KCNIP4: variants seen among roughly 807,000 people sequenced by gnomAD.
KCNIP4 encodes the protein Kv channel-interacting protein 4.
A neutral mutation model predicts 34.0 loss-of-function variants in KCNIP4; 12 were observed. The observed-to-expected ratio is 0.35, with a 90% CI of 0.23 to 0.57. The LOEUF (loss-of-function observed/expected upper bound fraction) is 0.57. Among genes scored for constraint, KCNIP4 ranks in the 20% least tolerant of loss-of-function variants. The pLI, the probability that KCNIP4 is intolerant of heterozygous loss-of-function variation, is 0.83. For missense variants in KCNIP4, 238 were observed against 311.7 expected, an observed-to-expected ratio of 0.76 and a Z score of 1.78; for synonymous variants, 124 against 102.2, an observed-to-expected ratio of 1.21 and a Z score of -1.29.
chr4:21,139,280 A>G (rs906836819), intron 1 of KCNIP4, among the ~76,000 whole-genome samples: 1 of 152,234 alleles, frequency 6.6e-6, no homozygotes, highest in Non-Finnish European at 1.5e-5. Flanking sequence ...GAAAACGAAA[A>G]AGAGAGACAG....
chr4:21,346,786 A>T (rs1717472847), intron 1 of KCNIP4, among the ~76,000 whole-genome samples: 1 of 152,198 alleles, frequency 6.6e-6, no homozygotes, highest in South Asian at 2.1e-4. Flanking sequence ...AACTCAGACC[A>T]CACGTACAAC....
intron 1 of KCNIP4, among the ~76,000 whole-genome samples, chr4:21,246,338 C>A (rs1007465073): frequency 6.6e-6 from 1 of 152,166 alleles, no homozygotes; most frequent in Admixed American, 6.5e-5. Flanking sequence ...ACAGCTGTTG[C>A]AATCACGCCA....
chr4:20,824,453 G>C (rs1370558966), intron 3 of KCNIP4, among the ~76,000 whole-genome samples: 2 of 152,048 alleles, frequency 1.3e-5, no homozygotes, highest in African/African-American at 4.8e-5. Flanking sequence ...AGGCTGAGGC[G>C]GGCAGATTAT....
intron 1 of KCNIP4, among the ~76,000 whole-genome samples, chr4:20,988,012 A>AAAAAAAAAAAAAAT (rs1736745434): frequency 2.0e-5 from 3 of 149,846 alleles, no homozygotes; most frequent in African/African-American, 7.4e-5. Context: ...AAAAAAAAAA[A>AAAAAAAAAAAAAAT]AAAAAAAAAA....
At chr4:21,113,481 G>A (rs55877017) in intron 1 of KCNIP4, among the ~76,000 whole-genome samples, 2,227 of 49,246 alleles carry the variant, frequency 0.045, 63 homozygotes, top group African/African-American at 0.087. Context: ...AAAAAAAAAA[G>A]GAAAGCTATA....
rs187015606 is a variant in KCNIP4 at position 21,528,812 on chromosome 4, G to A, written c.61+419759C>T. On this transcript the variant is annotated intron_variant, in intron 1 of 8. Transcript: ENST00000382152. Reference sequence around the variant, plus strand: ...GGAAGAAAGGAAGAAAGGAAGGAAGGAAGGAAGGAAGGAAGGAAGGAAGGA... The same window carrying A: ...GGAAGAAAGGAAGAAAGGAAGGAAGAAAGGAAGGAAGGAAGGAAGGAAGGA... 2.5e-4 allele frequency among the ~76,000 whole-genome samples: 13 copies of A among 51,172 alleles called. 1 individual carries two copies. The highest frequency in any genetic ancestry group is 6.9e-4 in the South Asian group (1 of 1,456). 33.6% of individuals were successfully genotyped at this position (51,172 alleles called of 152,430 possible).
intron 1 of KCNIP4, chr4:21,853,323 T>C (rs1248372098): frequency 6.6e-6 from 1 of 152,152 alleles, no homozygotes; most frequent in Non-Finnish European, 1.5e-5. Flanking sequence ...CAGTGGGACA[T>C]TGTAGGCAAA....
intron 1 of KCNIP4, among the ~76,000 whole-genome samples, chr4:21,344,441 G>T (rs375111776): frequency 6.6e-6 from 1 of 152,116 alleles, no homozygotes; most frequent in East Asian, 1.9e-4. Flanking sequence ...ATAGCCAAAG[G>T]TCTTGGAAAC....
chr4:20,869,430 G>A (rs1723207553), intron 2 of KCNIP4, among the ~76,000 whole-genome samples: 1 of 151,668 alleles, frequency 6.6e-6, no homozygotes, highest in Non-Finnish European at 1.5e-5. Flanking sequence ...CTGGCACATA[G>A]TAAACATTCA....
rs556576072 is a variant in KCNIP4 at position 21,632,605 on chromosome 4, A to T, written c.61+315966T>A. The stretch of plus-strand genomic sequence containing the variant: ...AAAGTAAATAGAATCCTTTCAATAA[A>T]TATCTGTCCCAGGGTTTATAATGAG... On this transcript the variant is annotated intron_variant, in intron 1 of 8. Transcript: ENST00000382152. Among the ~76,000 whole-genome samples the T allele has an allele frequency of 2.0e-5, 3 of 152,314 alleles. No individual in the cohort carries two copies. In the South Asian group the frequency reaches 6.2e-4, roughly 32 times the overall value.
At chr4:20,975,502 A>G (rs1209718953) in intron 1 of KCNIP4, among the ~76,000 whole-genome samples, 1 of 152,294 alleles carries the variant, frequency 6.6e-6, no homozygotes, top group East Asian at 1.9e-4. Flanking sequence ...TATAACAACT[A>G]TCTAAGTTGG....
At chr4:20,830,717 C>T (rs976729774) in intron 3 of KCNIP4, among the ~76,000 whole-genome samples, 3 of 152,064 alleles carry the variant, frequency 2.0e-5, no homozygotes, top group South Asian at 2.1e-4. Context: ...AATTACAGGG[C>T]CTGTTTGCTT....
intron 1 of KCNIP4, among the ~76,000 whole-genome samples, chr4:21,347,129 G>A (rs1030633350): frequency 3.3e-5 from 5 of 152,148 alleles, no homozygotes; most frequent in Non-Finnish European, 7.3e-5. Flanking sequence ...AACCACTTCA[G>A]ATATTTCAAA....
chr4:21,725,756 A>C (rs940481749), intron 1 of KCNIP4, among the ~76,000 whole-genome samples: 1 of 152,292 alleles, frequency 6.6e-6, no homozygotes, highest in East Asian at 1.9e-4. Flanking sequence ...ATTAACTGTT[A>C]AATTCTGATG....
intron 1 of KCNIP4, among the ~76,000 whole-genome samples, chr4:21,331,738 T>A (rs1365451488): frequency 2.0e-5 from 3 of 152,118 alleles, no homozygotes; most frequent in Non-Finnish European, 4.4e-5. Context: ...TTTCTGCTCA[T>A]CTATCATGAT....
Position 20,878,457 on chromosome 4 carries a change from T to C in KCNIP4, c.163+4151A>G, listed in dbSNP as rs147233267. ...CTTTCTCTGAGCCAATCAAGATATGTCCCCTGCATATATTCCCTTTCCATC... is the reference window on the plus strand; with the variant it reads ...CTTTCTCTGAGCCAATCAAGATATGCCCCCTGCATATATTCCCTTTCCATC... On this transcript the variant is annotated intron_variant, in intron 2 of 8. Transcript: ENST00000382152. 4.4e-3 allele frequency among the ~76,000 whole-genome samples: 676 copies of C among 152,312 alleles called. 4 individuals carry two copies. The highest frequency in any genetic ancestry group is 7.5e-3 in the Non-Finnish European group (512 of 68,012).
intron 1 of KCNIP4, chr4:21,762,885 G>C (rs1225352756): frequency 8.0e-7 from 1 of 1,246,960 alleles, no homozygotes; most frequent in East Asian, 5.6e-5. Context: ...ATTGGGAGGG[G>C]GGTGTAGGTG....
chr4:21,175,021 G>A (rs1052485759), intron 1 of KCNIP4, among the ~76,000 whole-genome samples: 1 of 151,672 alleles, frequency 6.6e-6, no homozygotes, highest in African/African-American at 2.4e-5. Flanking sequence ...GCATTGATGA[G>A]TCCTTAAGTA....
At chr4:20,914,071 C>T (rs965882532) in intron 1 of KCNIP4, among the ~76,000 whole-genome samples, 6 of 151,742 alleles carry the variant, frequency 4.0e-5, no homozygotes, top group Non-Finnish European at 7.4e-5. Context: ...GCAGGAGAAT[C>T]GCTTGAACCC....
Sources: gnomAD v4.1 joint callset for allele counts (sites outside exome capture counted in the v4.1 genomes callset) on GRCh38, gnomAD v4.1.1 for gene constraint, MANE v1.5 for transcripts, NCBI Gene and HGNC (gene_info 2026-07-23, HGNC 2026-07-21) for gene names.